TTLL5: variants seen among roughly 807,000 people sequenced by gnomAD.
TTLL5 encodes tubulin tyrosine ligase like 5.
In TTLL5, 132 loss-of-function variants were observed where a neutral mutation model predicts 168.4. That is an observed-to-expected ratio of 0.78 (90% confidence interval 0.68 to 0.91). The LOEUF (loss-of-function observed/expected upper bound fraction) is 0.91. TTLL5 is among the 40% of genes least tolerant of loss of function. The pLI is 0.00. For missense variants in TTLL5, 1,545 were observed against 1,581.5 expected, an observed-to-expected ratio of 0.98 and a Z score of 0.39; for synonymous variants, 546 against 558.6, an observed-to-expected ratio of 0.98 and a Z score of 0.32.
At chr14:75,893,371 C>G (rs1248936337) in intron 30 of TTLL5, among the ~76,000 whole-genome samples, 1 of 152,118 alleles carries the variant, frequency 6.6e-6, no homozygotes, top group East Asian at 1.9e-4. Flanking sequence ...TAAATATTAC[C>G]AGGGAGAAAA....
At chr14:75,811,723 GC>G (rs1237519856) in intron 27 of TTLL5, among the ~76,000 whole-genome samples, 1 of 152,170 alleles carries the variant, frequency 6.6e-6, no homozygotes, top group African/African-American at 2.4e-5. Flanking sequence ...CGGGACTGCA[GC>G]ATTTTTGAGA....
rs149514506 is a variant in TTLL5 at position 75,681,908 on chromosome 14, A to G, written c.264+281A>G. Among the ~76,000 whole-genome samples the G allele has an allele frequency of 5.3e-3, 807 of 152,216 alleles. 6 individuals are homozygous for G. Among genetic ancestry groups the G allele is most frequent in the African/African-American group, 0.018 (751 of 41,548 alleles). ...CCCATAAGGAATTGTCTGACACCCA[A>G]TTAAGGTTCTTTGATTGCAGGCAAC... On this transcript the variant is annotated intron_variant, in intron 4 of 31. Transcript: ENST00000298832.
At chr14:75,786,234 G>T (rs1294329525) in intron 26 of TTLL5, among the ~76,000 whole-genome samples, 1 of 152,062 alleles carries the variant, frequency 6.6e-6, no homozygotes, top group African/African-American at 2.4e-5. Context: ...GATCAATAAT[G>T]TTCTAGTTTG....
rs542585005 is a variant in TTLL5 at position 75,817,723 on chromosome 14, A to G, written c.3172-2284A>G. On this transcript the variant is annotated intron_variant, in intron 27 of 31. Coordinates refer to ENST00000298832, the MANE Select transcript of TTLL5 (RefSeq NM_015072.5). The stretch of plus-strand genomic sequence containing the variant: ...TTTCACTACTGTTCTCTAGTGTCTC[A>G]TGCTTAAAATCCTGCATTCAGCTTT... Among the ~76,000 whole-genome samples the G allele has an allele frequency of 5.9e-5, 9 of 151,702 alleles. No homozygotes were observed. The South Asian group carries it at 1.0e-3, about 18-fold the overall frequency.
At chr14:75,777,643 G>A (rs888552668) in intron 23 of TTLL5, among the ~76,000 whole-genome samples, 1 of 151,850 alleles carries the variant, frequency 6.6e-6, no homozygotes, top group Non-Finnish European at 1.5e-5. Context: ...AAATAAAATA[G>A]GATAAAAAAA....
At chr14:75,870,147 T>C (rs1441386707) in intron 29 of TTLL5, among the ~76,000 whole-genome samples, 1 of 151,786 alleles carries the variant, frequency 6.6e-6, no homozygotes, top group Non-Finnish European at 1.5e-5. Context: ...CCGATGAAAC[T>C]ATGTTTGAAA....
chr14:75,835,096 A>G (rs1283515964), intron 28 of TTLL5, among the ~76,000 whole-genome samples: 1 of 151,620 alleles, frequency 6.6e-6, no homozygotes, highest in Non-Finnish European at 1.5e-5. Flanking sequence ...AACAAACAAA[A>G]CAATTTGAGC....
intron 31 of TTLL5, among the ~76,000 whole-genome samples, chr14:75,924,851 T>G (rs1470257054): frequency 6.6e-6 from 1 of 150,600 alleles, no homozygotes; most frequent in African/African-American, 2.5e-5. Flanking sequence ...CACATCCCAG[T>G]AGGGGCGGCC....
At chr14:75,817,944 T>C (rs1450473637) in intron 27 of TTLL5, among the ~76,000 whole-genome samples, 1 of 148,570 alleles carries the variant, frequency 6.7e-6, no homozygotes, top group Non-Finnish European at 1.5e-5. Flanking sequence ...TTCACACCAT[T>C]CTCCTGCCTC....
At chr14:75,810,908 C>T (rs1893956456) in intron 27 of TTLL5, among the ~76,000 whole-genome samples, 1 of 152,004 alleles carries the variant, frequency 6.6e-6, no homozygotes, top group Non-Finnish European at 1.5e-5. Flanking sequence ...TAAAATTATT[C>T]AGGGCACAGC....
At chr14:75,787,953 A>G (rs190037789) in intron 26 of TTLL5, among the ~76,000 whole-genome samples, 70 of 152,316 alleles carry the variant, frequency 4.6e-4, no homozygotes, top group Non-Finnish European at 6.5e-4. Context: ...GTATGTCCAA[A>G]TAAGTAGAGA....
intron 28 of TTLL5, among the ~76,000 whole-genome samples, chr14:75,851,613 C>T (rs527699702): frequency 8.5e-5 from 13 of 152,254 alleles, no homozygotes; most frequent in Non-Finnish European, 1.6e-4. Context: ...GCGGGATTGG[C>T]GTGGAGCAGC....
chr14:75,846,526 C>T (rs1258911259), intron 28 of TTLL5, among the ~76,000 whole-genome samples: 2 of 152,192 alleles, frequency 1.3e-5, no homozygotes, highest in African/African-American at 4.8e-5. Context: ...TGTGGTGGCT[C>T]ATGCCTGTAA....
At chr14:75,797,154 C>G (rs1009896188) in intron 27 of TTLL5, among the ~76,000 whole-genome samples, 1 of 151,866 alleles carries the variant, frequency 6.6e-6, no homozygotes, top group Admixed American at 6.6e-5. Flanking sequence ...TAGGTATATC[C>G]GTAAGTATTT....
rs1378061071 is a variant in TTLL5, at chr14:75,773,923, TATATAG to T, written c.2137-1559_2137-1554del. ...AAAAAAATACATATATATATATATA[TATATAG>T]AGAGAGAGAGAGAGAGAGAGAGAGA... On this transcript the variant is annotated intron_variant, in intron 21 of 31. Transcript: ENST00000298832. Among the ~76,000 whole-genome samples, 90 of 27,718 alleles carry T rather than the reference TATATAG, an allele frequency of 3.2e-3. 1 individual carries two copies. The highest frequency in any genetic ancestry group is 0.028 in the Admixed American group (44 of 1,594). 18.2% of individuals were successfully genotyped at this position (27,718 alleles called of 152,430 possible). A position where few individuals can be genotyped will look rare whatever the true frequency, so the allele number is the denominator to read the frequency against.
chr14:75,699,125 T>TA, intron 6 of TTLL5, 63 bp from the exon 7 acceptor site: 1 of 1,453,888 alleles, frequency 6.9e-7, no homozygotes, highest in Non-Finnish European at 9.6e-7. Flanking sequence ...GTTGATATAA[T>TA]AAACTCAAGT....
At chr14:75,912,379 A>G (rs1174458737) in intron 31 of TTLL5, among the ~76,000 whole-genome samples, 1 of 152,204 alleles carries the variant, frequency 6.6e-6, no homozygotes, top group Non-Finnish European at 1.5e-5. Context: ...CTGCCAATGT[A>G]TGCATGTCTG....
intron 26 of TTLL5, among the ~76,000 whole-genome samples, chr14:75,791,202 A>C (rs1892700352): frequency 6.6e-6 from 1 of 152,030 alleles, no homozygotes; most frequent in Non-Finnish European, 1.5e-5. Context: ...GGGCATATAC[A>C]AGAGGAGCTT....
chr14:75,817,995 G>A (rs376772274), intron 27 of TTLL5, among the ~76,000 whole-genome samples: 11 of 151,304 alleles, frequency 7.3e-5, no homozygotes, highest in African/African-American at 1.9e-4. Flanking sequence ...CCGCCACCAC[G>A]CCCAGCTAAT....
Sources: gnomAD v4.1 joint callset for allele counts (sites outside exome capture counted in the v4.1 genomes callset) on GRCh38, gnomAD v4.1.1 for gene constraint, MANE v1.5 for transcripts, NCBI Gene and HGNC (gene_info 2026-07-23, HGNC 2026-07-21) for gene names.